The following MYRIP variants were observed in gnomAD, a reference collection of about 807,000 sequenced individuals.
MYRIP encodes myosin VIIA and Rab interacting protein, also known as rab effector MyRIP.
MYRIP carries 49 observed loss-of-function variants against 98.0 expected under a neutral mutation model. The observed-to-expected ratio is 0.50, with a 90% CI of 0.40 to 0.63. MYRIP has a LOEUF of 0.63. Ranked by LOEUF, MYRIP falls within the 30% of genes least tolerant of loss-of-function variation. The probability of loss-of-function intolerance (pLI) is 0.00; values close to 1 mark genes in which losing one functional copy is unlikely to be tolerated. For missense variants in MYRIP, 1,004 were observed against 1,058.2 expected (o/e 0.95, Z 0.71); for synonymous variants, 404 against 409.5 (o/e 0.99, Z 0.16).
intron 12 of MYRIP, among the ~76,000 whole-genome samples, chr3:40,243,671 G>C (rs548451520): frequency 4.9e-4 from 75 of 152,236 alleles, no homozygotes; most frequent in Non-Finnish European, 9.1e-4. Flanking sequence ...TTAGGATGGG[G>C]GGGTATTTGT....
rs1018298116 is a variant in MYRIP at position 40,258,349 on chromosome 3, C to G, written c.*183C>G. On this transcript the variant is annotated 3_prime_UTR_variant, in exon 17 of 17. Transcript: ENST00000302541. ...CAGAAAGCCGTCTCAGACTTCAGCA[C>G]TGCGGTCTTGCCCACTCTCTGCCTT... 3.2e-6 allele frequency: 2 copies of G among 634,816 alleles called. No homozygotes were observed. Among genetic ancestry groups the G allele is most frequent in the African/African-American group, 3.6e-5 (2 of 56,000 alleles). 39.3% of individuals were successfully genotyped at this position (634,816 alleles called of 1,614,324 possible).
intron 2 of MYRIP, among the ~76,000 whole-genome samples, chr3:39,905,057 G>T (rs925640962): frequency 6.6e-6 from 1 of 152,124 alleles, no homozygotes. Context: ...GGAGGATGCT[G>T]GAAACAAAAG....
chr3:39,998,405 T>C (rs1559554648), intron 2 of MYRIP, among the ~76,000 whole-genome samples: 1 of 152,048 alleles, frequency 6.6e-6, no homozygotes, highest in Non-Finnish European at 1.5e-5. Context: ...AACAGCCAAA[T>C]CATGAGTGAA....
chr3:39,976,372 G>T (rs368628861), intron 2 of MYRIP, among the ~76,000 whole-genome samples: 4 of 152,092 alleles, frequency 2.6e-5, no homozygotes, highest in Non-Finnish European at 4.4e-5. Flanking sequence ...TTAGAATGGC[G>T]ATCATTAAAG....
chr3:40,248,115 G>C (rs1433036219), intron 13 of MYRIP: 2 of 152,416 alleles, frequency 1.3e-5, no homozygotes, highest in East Asian at 3.9e-4. Context: ...TCCCCATTGA[G>C]GGGGGCACAT....
rs545831245 is a variant in MYRIP, at chr3:39,860,545, C to T, written c.-30-40242C>T. On this transcript the variant is annotated intron_variant, in intron 1 of 16. Coordinates refer to ENST00000302541, the MANE Select transcript of MYRIP (RefSeq NM_015460.4). The stretch of plus-strand genomic sequence containing the variant: ...GACCTCCCTGTCTTCTGGCCTCTCA[C>T]GGGGGCCCAGCCTGGCTGCACCTTC... 7.2e-5 allele frequency among the ~76,000 whole-genome samples: 11 copies of T among 152,310 alleles called. No individual in the cohort carries two copies. In the South Asian group the frequency reaches 1.5e-3, roughly 20 times the overall value.
rs543410552 is a variant in MYRIP at position 40,160,204 on chromosome 3, C to T, written c.470-2526C>T. ...ATATCCTTTCTGTTTGTTAGTTTTC[C>T]TTCTAACAGACAGGACCCTCAGCTG... On this transcript the variant is annotated intron_variant, in intron 4 of 16. Coordinates refer to ENST00000302541, the MANE Select transcript of MYRIP (RefSeq NM_015460.4). Among the ~76,000 whole-genome samples the T allele has an allele frequency of 7.2e-5, 11 of 152,210 alleles. No homozygotes were observed. In the East Asian group the frequency reaches 1.7e-3, roughly 24 times the overall value.
intron 11 of MYRIP, among the ~76,000 whole-genome samples, chr3:40,228,198 T>G (rs541937336): frequency 4.9e-4 from 75 of 152,296 alleles, no homozygotes; most frequent in Middle Eastern, 3.4e-3. Flanking sequence ...TGTCCCCTTT[T>G]CACAGAGGGG....
intron 3 of MYRIP, among the ~76,000 whole-genome samples, chr3:40,076,268 A>G (rs543239962): frequency 1.3e-5 from 2 of 152,222 alleles, no homozygotes; most frequent in African/African-American, 4.8e-5. Context: ...AAAAGTAATT[A>G]TCTTTCTCAG....
chr3:40,172,069 C>T (rs1047058740), intron 8 of MYRIP, among the ~76,000 whole-genome samples: 2 of 152,202 alleles, frequency 1.3e-5, no homozygotes, highest in African/African-American at 2.4e-5. Flanking sequence ...TCTCCCACAA[C>T]GTGGGAATTA....
At chr3:40,221,542 G>C (rs1288194400) in intron 11 of MYRIP, among the ~76,000 whole-genome samples, 1 of 152,120 alleles carries the variant, frequency 6.6e-6, no homozygotes, top group Non-Finnish European at 1.5e-5. Context: ...AAGGTGGGAG[G>C]ATCACTTAAG....
At chr3:40,107,933 A>T (rs1025037873) in intron 3 of MYRIP, among the ~76,000 whole-genome samples, 5 of 152,216 alleles carry the variant, frequency 3.3e-5, no homozygotes, top group African/African-American at 9.6e-5. Flanking sequence ...GTTAATTGGG[A>T]GTCATCTTTC....
intron 1 of MYRIP, among the ~76,000 whole-genome samples, chr3:39,884,808 TA>T (rs200912241): frequency 0.042 from 5,996 of 143,212 alleles, 167 homozygotes; most frequent in Non-Finnish European, 0.042. Flanking sequence ...CAGTCATTAT[TA>T]TTTTTTTTTT....
chr3:39,814,095 A>C (rs1559483274), intron 1 of MYRIP, among the ~76,000 whole-genome samples: 1 of 152,238 alleles, frequency 6.6e-6, no homozygotes, highest in Admixed American at 6.5e-5. Context: ...ATCTTGTAGA[A>C]ATGTACAAGA....
At chr3:39,912,347 C>T (rs4234127) in intron 2 of MYRIP, among the ~76,000 whole-genome samples, 67,056 of 151,932 alleles carry the variant, frequency 0.44, 15,051 homozygotes, top group East Asian at 0.54. Context: ...TAGAATAATA[C>T]GAAAACAGAA....
At chr3:40,119,365 G>A (rs968314071) in intron 3 of MYRIP, among the ~76,000 whole-genome samples, 2 of 152,250 alleles carry the variant, frequency 1.3e-5, no homozygotes, top group Non-Finnish European at 2.9e-5. Flanking sequence ...TCTCCAGGAT[G>A]TGTTCTTATG....
intron 11 of MYRIP, among the ~76,000 whole-genome samples, chr3:40,218,624 A>ATTT (rs1331758980): frequency 0.045 from 549 of 12,186 alleles, 9 homozygotes; most frequent in African/African-American, 0.069. Context: ...ATATATATAT[A>ATTT]TATATATATA....
intron 2 of MYRIP, among the ~76,000 whole-genome samples, chr3:40,032,653 C>T (rs1947287070): frequency 6.6e-6 from 1 of 152,118 alleles, no homozygotes; most frequent in Non-Finnish European, 1.5e-5. Flanking sequence ...CAAGGAGGAA[C>T]TGGTACCATT....
chr3:39,949,949 C>T (rs1237881961), intron 2 of MYRIP, among the ~76,000 whole-genome samples: 2 of 152,168 alleles, frequency 1.3e-5, no homozygotes, highest in Non-Finnish European at 2.9e-5. Context: ...TTTCTACTAG[C>T]ATCTGTTATC....
Sources: allele counts gnomAD v4.1 joint callset (sites outside exome capture counted in the v4.1 genomes callset), GRCh38; gene constraint gnomAD v4.1.1; transcripts MANE v1.5; gene names NCBI Gene and HGNC (gene_info 2026-07-23, HGNC 2026-07-21).